Variants in ADGRB3 observed in about 807,000 individuals in gnomAD.
The protein encoded by ADGRB3 is adhesion G protein-coupled receptor B3, also known as brain-specific angiogenesis inhibitor 3.
A neutral mutation model predicts 193.4 loss-of-function variants in ADGRB3; 37 were observed. The observed-to-expected ratio is 0.19, with a 90% CI of 0.15 to 0.25. ADGRB3 has a LOEUF of 0.25. Among genes scored for constraint, ADGRB3 ranks in the 10% least tolerant of loss-of-function variants. The pLI, the probability that ADGRB3 is intolerant of heterozygous loss-of-function variation, is 1.00. For missense variants in ADGRB3, 1,637 were observed against 1,852.9 expected, an observed-to-expected ratio of 0.88 and a Z score of 2.14; for synonymous variants, 690 against 644.2, an observed-to-expected ratio of 1.07 and a Z score of -1.08.
At chr6:69,243,771 G>A (rs1766431985) in intron 20 of ADGRB3, among the ~76,000 whole-genome samples, 1 of 151,888 alleles carries the variant, frequency 6.6e-6, no homozygotes, top group Admixed American at 6.6e-5. Context: ...CCCTGTATGG[G>A]CCTTCTAGAT....
At chr6:68,786,259 T>C (rs200831583) in intron 3 of ADGRB3, among the ~76,000 whole-genome samples, 2 of 10,082 alleles carry the variant, frequency 2.0e-4, no homozygotes, top group Non-Finnish European at 4.9e-4. Flanking sequence ...ATTGCCTAGG[T>C]TTTTTTCTAG....
intron 5 of ADGRB3, among the ~76,000 whole-genome samples, chr6:68,938,746 G>A (rs1174822053): frequency 1.3e-5 from 2 of 152,004 alleles, no homozygotes; most frequent in Non-Finnish European, 2.9e-5. Flanking sequence ...GGGTACAGTG[G>A]GTTTTCTGGG....
chr6:68,914,131 C>G (rs1298526515), intron 3 of ADGRB3, among the ~76,000 whole-genome samples: 1 of 151,584 alleles, frequency 6.6e-6, no homozygotes, highest in Non-Finnish European at 1.5e-5. Context: ...AGGATATTAT[C>G]CAGGAGAACT....
At chr6:68,758,607 A>T (rs912074598) in intron 3 of ADGRB3, among the ~76,000 whole-genome samples, 1 of 152,096 alleles carries the variant, frequency 6.6e-6, no homozygotes, top group African/African-American at 2.4e-5. Context: ...TATCACATAC[A>T]TTCACATTTC....
chr6:69,030,981 CT>C (rs1770635515), intron 13 of ADGRB3, among the ~76,000 whole-genome samples: 2 of 61,410 alleles, frequency 3.3e-5, no homozygotes, highest in East Asian at 4.4e-4. Flanking sequence ...CTTTTCTTTT[CT>C]TTTCTTTTCT....
intron 11 of ADGRB3, among the ~76,000 whole-genome samples, chr6:68,998,546 A>G (rs1011896370): frequency 2.0e-5 from 3 of 152,224 alleles, no homozygotes; most frequent in Admixed American, 6.5e-5. Context: ...AACATGGGTT[A>G]ACTACCAGCA....
chr6:69,022,260 G>T (rs1582400244), intron 13 of ADGRB3, among the ~76,000 whole-genome samples: 1 of 151,438 alleles, frequency 6.6e-6, no homozygotes, highest in Admixed American at 6.6e-5. Flanking sequence ...ATCTGCATAG[G>T]TAAGTGGTTT....
At chr6:69,169,928 T>C (rs981832321) in intron 17 of ADGRB3, among the ~76,000 whole-genome samples, 2 of 152,088 alleles carry the variant, frequency 1.3e-5, no homozygotes, top group Admixed American at 1.3e-4. Context: ...TGCAGAAAAA[T>C]AGAGTCAGCT....
intron 20 of ADGRB3, 44 bp from the exon 21 acceptor site, chr6:69,324,828 C>T (rs1582632814): frequency 6.3e-7 from 1 of 1,599,888 alleles, no homozygotes; most frequent in Non-Finnish European, 8.5e-7. Flanking sequence ...CATTTTCCCT[C>T]TCCCAGGTTC....
rs1254198978 is a variant in ADGRB3, at chr6:69,360,959, G to A, written c.3686G>A (p.Gly1229Glu). ...CTAAATGATGATGAAGAAGAAAAGG[G>A]AACAAACCCTGAAGGGCTAAGCTAT... is the stretch of plus-strand genomic sequence containing the variant. ...ISLNDDEEEK[G>E]TNPEGLSYST... Residue 1229 changes from glycine to glutamate, a missense_variant, in exon 29 of 32, where the codon GGA becomes GAA. Physicochemically the swap from Gly to Glu is moderately conservative, Grantham distance 98. Coordinates refer to ENST00000370598, the MANE Select transcript of ADGRB3 (RefSeq NM_001704.3). The A allele has an allele frequency of 5.0e-6, 8 of 1,612,434 alleles. No homozygotes were observed. The highest frequency in any genetic ancestry group is 4.2e-6 in the Non-Finnish European group (5 of 1,179,100).
At chr6:69,096,832 A>G (rs1269006362) in intron 17 of ADGRB3, among the ~76,000 whole-genome samples, 3 of 152,166 alleles carry the variant, frequency 2.0e-5, no homozygotes, top group African/African-American at 7.2e-5. Flanking sequence ...TCAGGCATTC[A>G]GAGGTTTTTC....
chr6:69,172,343 G>C (rs904857524), intron 17 of ADGRB3, among the ~76,000 whole-genome samples: 8 of 151,960 alleles, frequency 5.3e-5, no homozygotes, highest in African/African-American at 1.9e-4. Context: ...GGGAAAGAGA[G>C]ATAATAAAGA....
At chr6:68,785,433 T>C (rs1004846139) in intron 3 of ADGRB3, among the ~76,000 whole-genome samples, 16 of 151,724 alleles carry the variant, frequency 1.1e-4, no homozygotes, top group Non-Finnish European at 2.2e-4. Context: ...TGTGATAGTT[T>C]GCTGAGAATG....
intron 21 of ADGRB3, among the ~76,000 whole-genome samples, chr6:69,327,520 T>C (rs1191989729): frequency 1.3e-5 from 2 of 152,090 alleles, no homozygotes; most frequent in African/African-American, 4.8e-5. Flanking sequence ...TGTAAACCCC[T>C]AGGGAAAAAA....
chr6:69,305,967 G>T (rs998467710), intron 20 of ADGRB3, among the ~76,000 whole-genome samples: 6 of 151,502 alleles, frequency 4.0e-5, no homozygotes, highest in African/African-American at 1.5e-4. Flanking sequence ...TAAGTGATGT[G>T]TAGGCATTGT....
chr6:68,669,873 T>G (rs778677084), intron 3 of ADGRB3, among the ~76,000 whole-genome samples: 1 of 152,032 alleles, frequency 6.6e-6, no homozygotes, highest in African/African-American at 2.4e-5. Flanking sequence ...TTTTACAAAC[T>G]TACATTCCCA....
chr6:69,357,963 C>T (rs1469040146), intron 28 of ADGRB3, among the ~76,000 whole-genome samples: 1 of 151,946 alleles, frequency 6.6e-6, no homozygotes, highest in Non-Finnish European at 1.5e-5. Flanking sequence ...ATTTCCACAT[C>T]TATGTTCCAA....
chr6:69,367,846 G>A (rs1181858422), intron 29 of ADGRB3, among the ~76,000 whole-genome samples: 2 of 151,818 alleles, frequency 1.3e-5, no homozygotes, highest in Non-Finnish European at 2.9e-5. Context: ...TCCTTTGTAG[G>A]GACATGGATG....
chr6:68,894,605 C>A (rs1766169268), intron 3 of ADGRB3, among the ~76,000 whole-genome samples: 1 of 151,784 alleles, frequency 6.6e-6, no homozygotes, highest in Admixed American at 6.6e-5. Flanking sequence ...ACCTTATGAA[C>A]TCATGTTATA....
Sources: gnomAD v4.1 joint callset for allele counts (sites outside exome capture counted in the v4.1 genomes callset) on GRCh38, gnomAD v4.1.1 for gene constraint, MANE v1.5 for transcripts, NCBI Gene and HGNC (gene_info 2026-07-23, HGNC 2026-07-21) for gene names.